Variants in RBFOX1 observed in about 807,000 individuals in gnomAD.
RBFOX1 encodes the protein RNA binding fox-1 homolog 1.
Under a neutral mutation model 57.7 loss-of-function variants are expected in RBFOX1, and 8 were observed. The ratio of observed to expected loss-of-function variants is 0.14; its 90% CI spans 0.08 to 0.25. The LOEUF is 0.25. Ranked by LOEUF, RBFOX1 falls within the 10% of genes least tolerant of loss-of-function variation. RBFOX1 has a pLI of 1.00. For synonymous variants in RBFOX1, 326 were observed against 222.4 expected, an observed-to-expected ratio of 1.47 and a Z score of -4.15; for missense variants, 611 against 548.5, an observed-to-expected ratio of 1.11 and a Z score of -1.14.
chr16:5,945,238 C>T (rs967094796), intron 4 of RBFOX1, among the ~76,000 whole-genome samples: 6 of 152,140 alleles, frequency 3.9e-5, no homozygotes, highest in South Asian at 2.1e-4. Context: ...CCTGGCCCTT[C>T]GTGGGTCTTA....
intron 2 of RBFOX1, among the ~76,000 whole-genome samples, chr16:6,522,117 T>C (rs943785500): frequency 6.6e-6 from 1 of 151,720 alleles, no homozygotes; most frequent in Non-Finnish European, 1.5e-5. Flanking sequence ...TTTCCAAAGA[T>C]TATGCAGTAT....
chr16:6,083,240 T>C (rs2096034194), intron 1 of RBFOX1, among the ~76,000 whole-genome samples: 1 of 152,152 alleles, frequency 6.6e-6, no homozygotes, highest in African/African-American at 2.4e-5. Flanking sequence ...TGACCTGAAG[T>C]GATCTGCCCG....
At chr16:7,244,138 T>C (rs1000951424) in intron 4 of RBFOX1, among the ~76,000 whole-genome samples, 1 of 151,042 alleles carries the variant, frequency 6.6e-6, no homozygotes, top group Admixed American at 6.7e-5. Flanking sequence ...AGCAGTATTG[T>C]CATCAAAGGG....
chr16:7,004,209 T>C (rs991640589), intron 3 of RBFOX1: 1 of 152,152 alleles, frequency 6.6e-6, no homozygotes, highest in Non-Finnish European at 1.5e-5. Flanking sequence ...ATAAGAAGCA[T>C]CTTATGCATT....
chr16:6,024,391 G>T (rs1019921292), intron 1 of RBFOX1, among the ~76,000 whole-genome samples: 2 of 152,136 alleles, frequency 1.3e-5, no homozygotes, highest in East Asian at 3.9e-4. Context: ...GACTTGGGGG[G>T]ACATTCCAGA....
chr16:7,307,892 G>C (rs547926991), intron 4 of RBFOX1, among the ~76,000 whole-genome samples: 4 of 152,162 alleles, frequency 2.6e-5, no homozygotes, highest in Non-Finnish European at 5.9e-5. Context: ...TTCCTGAGTG[G>C]CTTCATGCTG....
chr16:6,399,917 C>T (rs1025165658), intron 2 of RBFOX1, among the ~76,000 whole-genome samples: 3 of 152,154 alleles, frequency 2.0e-5, no homozygotes, highest in Non-Finnish European at 4.4e-5. Flanking sequence ...GTAAAACCCC[C>T]AGATCTCGTG....
At chr16:6,830,067 C>G (rs2092594628) in intron 3 of RBFOX1, among the ~76,000 whole-genome samples, 1 of 152,038 alleles carries the variant, frequency 6.6e-6, no homozygotes, top group Non-Finnish European at 1.5e-5. Context: ...CAGGCACACA[C>G]CACCAAGCCT....
chr16:7,169,717 A>G (rs571939243), intron 4 of RBFOX1, among the ~76,000 whole-genome samples: 1 of 152,318 alleles, frequency 6.6e-6, no homozygotes, highest in East Asian at 1.9e-4. Context: ...GTTGCATATG[A>G]TGATACAGAG....
chr16:6,650,503 T>C (rs918760160), intron 2 of RBFOX1, among the ~76,000 whole-genome samples: 159 of 152,284 alleles, frequency 1.0e-3, no homozygotes, highest in African/African-American at 3.5e-3. Context: ...ATCACAATTA[T>C]CATGCCACAG....
In RBFOX1 at chr16:6,695,560, A is replaced by C. The variant is rs1213219655; in HGVS notation, c.-16+40910A>C. ...TTAAGTGGCCGACGCGCCTATTATG[A>C]ATGTTTCAAGTATGAGATATAGAAT... is the stretch of plus-strand genomic sequence containing the variant. On this transcript the variant is annotated intron_variant, in intron 3 of 15. Transcript: ENST00000550418. 5.9e-5 allele frequency among the ~76,000 whole-genome samples: 9 copies of C among 152,216 alleles called. 1 individual carries two copies. In the South Asian group the frequency reaches 1.7e-3, roughly 28 times the overall value.
rs114180035 is a variant in RBFOX1, at chr16:7,448,028, C to G, written c.28-70119C>G. ...TTAGAAACACCCACCCTCCTTTCTTCTGAAGCATGTGAAAGTTGTAAAACA... is the reference window on the plus strand; with the variant it reads ...TTAGAAACACCCACCCTCCTTTCTTGTGAAGCATGTGAAAGTTGTAAAACA... On this transcript the variant is annotated intron_variant, in intron 4 of 15. Transcript: ENST00000550418. Among the ~76,000 whole-genome samples, 1,141 of 152,290 alleles carry G rather than the reference C, an allele frequency of 7.5e-3. 13 individuals carry two copies. The highest frequency in any genetic ancestry group is 0.026 in the African/African-American group (1,087 of 41,556).
Position 6,483,562 on chromosome 16 carries a change from G to T in RBFOX1, c.-64+166505G>T, listed in dbSNP as rs1445670735. 4.6e-6 allele frequency: 7 copies of T among 1,530,328 alleles called. No individual in the cohort carries two copies. In the Admixed American group the frequency reaches 1.2e-4, roughly 26 times the overall value. 94.8% of individuals were successfully genotyped at this position (1,530,328 alleles called of 1,614,324 possible). ...CCCTTCAGGTACGGCGAGCGAAGAA[G>T]ACTCTAAAACACTGTCAGGGAAGGA... On this transcript the variant is annotated intron_variant, in intron 2 of 15. Transcript: ENST00000550418.
chr16:6,193,389 A>AC (rs1567650944), intron 1 of RBFOX1, among the ~76,000 whole-genome samples: 2 of 29,834 alleles, frequency 6.7e-5, no homozygotes, highest in African/African-American at 1.8e-4. Context: ...TTATATATAT[A>AC]TACTATATAT....
At chr16:6,391,912 G>A (rs538845053) in intron 2 of RBFOX1, among the ~76,000 whole-genome samples, 3 of 152,316 alleles carry the variant, frequency 2.0e-5, no homozygotes, top group Admixed American at 2.0e-4. Flanking sequence ...TGTTTCGGCA[G>A]CGCTGAGGAG....
Position 5,463,229 on chromosome 16 carries a change from C to T in RBFOX1, c.220-3987C>T, listed in dbSNP as rs770672973. On this transcript the variant is annotated intron_variant, in intron 1 of 2. Transcript: ENST00000585867. ...AAGAGGATTGGTTGGTAACATAATA[C>T]GGATTTTGTTTTTTATAAATCCAAC... Among the ~76,000 whole-genome samples the T allele has an allele frequency of 2.0e-4, 30 of 152,036 alleles. 1 individual carries two copies. The highest frequency in any genetic ancestry group is 3.8e-4 in the Non-Finnish European group (26 of 68,014).
chr16:5,899,207 C>T (rs978329888), intron 4 of RBFOX1, among the ~76,000 whole-genome samples: 1 of 150,522 alleles, frequency 6.6e-6, no homozygotes, highest in African/African-American at 2.4e-5. Context: ...GCAAGACACT[C>T]TTCAGGTGTT....
Position 6,952,891 on chromosome 16 carries a change from C to T in RBFOX1, c.-15-99166C>T, listed in dbSNP as rs1253140509. 2.0e-5 allele frequency among the ~76,000 whole-genome samples: 3 copies of T among 152,068 alleles called. No homozygotes were observed. The East Asian group carries it at 5.8e-4, about 29-fold the overall frequency. ...TGGGGAGGCTGAGGCAGGAGAAGGG[C>T]TTGAACCCAGGTGGTGGAGGTTGCA... is the stretch of plus-strand genomic sequence containing the variant. On this transcript the variant is annotated intron_variant, in intron 3 of 15. Transcript: ENST00000550418.
intron 3 of RBFOX1, among the ~76,000 whole-genome samples, chr16:6,920,126 A>T (rs375361043): frequency 8.5e-5 from 13 of 152,202 alleles, no homozygotes; most frequent in African/African-American, 3.1e-4. Context: ...GTTCCATTTT[A>T]TGGCTGAGTC....
Sources: gnomAD v4.1 joint callset for allele counts (sites outside exome capture counted in the v4.1 genomes callset) on GRCh38, gnomAD v4.1.1 for gene constraint, MANE v1.5 for transcripts, NCBI Gene and HGNC (gene_info 2026-07-23, HGNC 2026-07-21) for gene names.